The following DNAH9 variants were observed in gnomAD, a reference collection of about 807,000 sequenced individuals.
DNAH9 encodes DNAH9 variant protein.
Under a neutral mutation model 471.6 loss-of-function variants are expected in DNAH9, and 345 were observed. The observed-to-expected ratio is 0.73, with a 90% confidence interval of 0.67 to 0.80. DNAH9 has a LOEUF of 0.80. Among genes scored for constraint, DNAH9 ranks in the 30% least tolerant of loss-of-function variants. DNAH9 has a pLI of 0.00. For missense variants in DNAH9, 5,407 were observed against 5,609.2 expected (o/e 0.96, Z 1.15); for synonymous variants, 2,093 against 2,123.6 (o/e 0.99, Z 0.40).
At chr17:11,950,862 A>G (rs932365621) in intron 67 of DNAH9, among the ~76,000 whole-genome samples, 15 of 152,166 alleles carry the variant, frequency 9.9e-5, no homozygotes, top group Non-Finnish European at 7.3e-5. Flanking sequence ...AGTTCATCTT[A>G]TCTGCCTCGC....
intron 32 of DNAH9, among the ~76,000 whole-genome samples, chr17:11,752,560 A>G (rs999978118): frequency 1.3e-5 from 2 of 152,120 alleles, no homozygotes; most frequent in Non-Finnish European, 2.9e-5. Flanking sequence ...CCAGCTACTC[A>G]GGAGGCTGAG....
At chr17:11,627,534 C>G (rs554333180) in intron 6 of DNAH9, among the ~76,000 whole-genome samples, 10 of 152,302 alleles carry the variant, frequency 6.6e-5, no homozygotes, top group African/African-American at 2.4e-4. Flanking sequence ...CAACTAAGCA[C>G]TTTACGAGAG....
At chr17:11,628,906 T>G (rs2073016378) in intron 6 of DNAH9, among the ~76,000 whole-genome samples, 1 of 152,220 alleles carries the variant, frequency 6.6e-6, no homozygotes, top group South Asian at 2.1e-4. Flanking sequence ...TGAATTTTAT[T>G]TGACCATACT....
At chr17:11,819,505 C>T (rs2150937910) in intron 45 of DNAH9, among the ~76,000 whole-genome samples, 1 of 152,138 alleles carries the variant, frequency 6.6e-6, no homozygotes, top group South Asian at 2.1e-4. Flanking sequence ...GCAACCTCCA[C>T]CTCCTGGGTT....
Position 11,673,685 on chromosome 17 carries a change from G to A in DNAH9, c.3353+3891G>A, listed in dbSNP as rs146862263. Among the ~76,000 whole-genome samples the A allele has an allele frequency of 5.4e-4, 79 of 147,430 alleles. 1 individual carries two copies. The East Asian group carries it at 8.8e-3, about 16-fold the overall frequency. ...TGAAATATAACATACATACAATTTA[G>A]AGAACAATATTAAAGAGAATATGTG... is the stretch of plus-strand genomic sequence containing the variant. On this transcript the variant is annotated intron_variant, in intron 17 of 68. Coordinates refer to ENST00000262442, the MANE Select transcript of DNAH9 (RefSeq NM_001372.4).
chr17:11,876,218 A>G (rs374458583), intron 53 of DNAH9, among the ~76,000 whole-genome samples: 3 of 152,184 alleles, frequency 2.0e-5, no homozygotes, highest in African/African-American at 7.2e-5. Flanking sequence ...ACAAAATGTG[A>G]TGTACACATG....
At chr17:11,650,047 C>G (rs2073472634) in intron 12 of DNAH9, among the ~76,000 whole-genome samples, 1 of 152,024 alleles carries the variant, frequency 6.6e-6, no homozygotes, top group Non-Finnish European at 1.5e-5. Context: ...ATTAATAGCC[C>G]CACATCTTTC....
At chr17:11,783,119 G>A (rs1968729605) in intron 39 of DNAH9, among the ~76,000 whole-genome samples, 1 of 151,896 alleles carries the variant, frequency 6.6e-6, no homozygotes, top group African/African-American at 2.4e-5. Flanking sequence ...GCCTTATTTT[G>A]TTGTTGTTGT....
At chr17:11,768,253 G>T (rs955614806) in intron 36 of DNAH9, among the ~76,000 whole-genome samples, 200 bp from the exon 37 acceptor site, 11 of 152,166 alleles carry the variant, frequency 7.2e-5, no homozygotes, top group Non-Finnish European at 1.6e-4. Context: ...ATGCCTGTGC[G>T]TGGCCCCTGC....
At chr17:11,616,578 C>T (rs868617777) in intron 4 of DNAH9, among the ~76,000 whole-genome samples, 1 of 152,220 alleles carries the variant, frequency 6.6e-6, no homozygotes, top group South Asian at 2.1e-4. Context: ...AGGCCCCTTT[C>T]TTTCCTTGGT....
intron 14 of DNAH9, among the ~76,000 whole-genome samples, chr17:11,660,150 T>C (rs2073730964): frequency 6.6e-6 from 1 of 152,126 alleles, no homozygotes; most frequent in Non-Finnish European, 1.5e-5. Context: ...TTAGGGTTAG[T>C]TGCTTATCTG....
At chr17:11,797,898 C>G in intron 43 of DNAH9, 105 bp downstream of exon 43, 1 of 1,169,620 alleles carries the variant, frequency 8.5e-7, no homozygotes, top group Non-Finnish European at 1.2e-6. Context: ...AGGTAAGGAG[C>G]TCCGGCTTCT....
chr17:11,875,309 G>T, intron 53 of DNAH9, 125 bp downstream of exon 53: 1 of 734,504 alleles, frequency 1.4e-6, no homozygotes, highest in Non-Finnish European at 2.2e-6. Flanking sequence ...GGCTTCTCAC[G>T]TTTCTCCGTC....
At chr17:11,832,214 G>C (rs956615122) in intron 48 of DNAH9, among the ~76,000 whole-genome samples, 2 of 152,114 alleles carry the variant, frequency 1.3e-5, no homozygotes, top group African/African-American at 4.8e-5. Context: ...TGACTGATGG[G>C]ACCCTCCTGT....
intron 41 of DNAH9, among the ~76,000 whole-genome samples, chr17:11,790,827 T>C (rs1969038563): frequency 6.6e-6 from 1 of 152,182 alleles, no homozygotes; most frequent in African/African-American, 2.4e-5. Context: ...GCTATTCATC[T>C]AATGGTTACC....
At chr17:11,963,388 C>A (rs184479075) in intron 68 of DNAH9, among the ~76,000 whole-genome samples, 15 of 151,334 alleles carry the variant, frequency 9.9e-5, no homozygotes, top group Admixed American at 9.9e-4. Context: ...GAGCCGAGAT[C>A]GCACCATTGC....
chr17:11,822,189 C>T, intron 46 of DNAH9, 127 bp downstream of exon 46: 1 of 1,187,998 alleles, frequency 8.4e-7, no homozygotes, highest in Non-Finnish European at 1.2e-6. Flanking sequence ...CGGCACCCTT[C>T]TCAGCCTGAG....
Position 11,623,413 on chromosome 17 carries a change from A to G in DNAH9, c.1350+3632A>G, listed in dbSNP as rs2072912521. Among the ~76,000 whole-genome samples the G allele has an allele frequency of 6.6e-6, 1 of 151,078 alleles. No individual in the cohort carries two copies. The highest frequency in any genetic ancestry group is 2.4e-5 in the African/African-American group (1 of 40,992). On this transcript the variant is annotated intron_variant, in intron 6 of 68. Coordinates refer to ENST00000262442, the MANE Select transcript of DNAH9 (RefSeq NM_001372.4). The surrounding 1 kb of genome is among the most constrained non-coding windows in gnomAD (Gnocchi z 4.1). ...ACCTCTTTGTTTGCCCTGAATTTCC[A>G]TGTGTTTTCATCTTCCCACGGCTAC...
chr17:11,822,653 G>A (rs1970349520), intron 47 of DNAH9, 54 bp downstream of exon 47: 1 of 1,605,240 alleles, frequency 6.2e-7, no homozygotes, highest in Admixed American at 1.7e-5. Flanking sequence ...AGGGTACAAT[G>A]AATTCCCTGT....
Sources: allele counts gnomAD v4.1 joint callset (sites outside exome capture counted in the v4.1 genomes callset), GRCh38; gene constraint gnomAD v4.1.1; non-coding constraint Gnocchi (gnomAD v3.1); transcripts MANE v1.5; gene names NCBI Gene and HGNC (gene_info 2026-07-23, HGNC 2026-07-21).